The following CAPN2 variants were observed in gnomAD, a reference collection of about 807,000 sequenced individuals.
The protein encoded by CAPN2 is calpain 2.
A neutral mutation model predicts 102.3 loss-of-function variants in CAPN2; 92 were observed. The observed-to-expected ratio is 0.90, with a 90% confidence interval of 0.76 to 1.07. The LOEUF is 1.07. Ranked by LOEUF, CAPN2 falls within the 50% of genes least tolerant of loss-of-function variation. The pLI is 0.00. For synonymous variants in CAPN2, 340 were observed against 355.4 expected, an observed-to-expected ratio of 0.96 and a Z score of 0.49; for missense variants, 800 against 909.4, an observed-to-expected ratio of 0.88 and a Z score of 1.55.
chr1:223,749,219 G>C, intron 6 of CAPN2, 97 bp downstream of exon 6: 3 of 1,081,206 alleles, frequency 2.8e-6, no homozygotes, highest in Non-Finnish European at 4.2e-6. Context: ...GCGGCCCCAC[G>C]GTGGTCCAGT....
In CAPN2 at chr1:223,771,908, G is replaced by C. The variant is rs550161035; in HGVS notation, c.2003G>C (p.Arg668Pro). 1.2e-6 allele frequency: 2 copies of C among 1,611,642 alleles called. No homozygotes were observed. Among genetic ancestry groups the C allele is most frequent in the South Asian group, 1.1e-5 (1 of 91,018 alleles). Reference protein sequence around the residue: ...DFDNFVRCLVRLETLFKIFKQ... With the variant: ...DFDNFVRCLVPLETLFKIFKQ... ...GATAATTTTGTTCGGTGTTTGGTTC[G>C]GCTGGAAACGCTATTCAGTAAGTGG... The change falls in exon 19 of 21, where the codon CGG (arginine) becomes CCG (proline). Residue 668 changes from arginine (R) to proline (P), a missense_variant. By Grantham distance (103) the Arg-to-Pro change is moderately radical (BLOSUM62 -2). Coordinates refer to ENST00000295006, the MANE Select transcript of CAPN2 (RefSeq NM_001748.5).
rs1490509291 is a variant in CAPN2, at chr1:223,755,868, G to T, written c.1305+219G>T. Among the ~76,000 whole-genome samples, 1 of 152,184 alleles carries T rather than the reference G, an allele frequency of 6.6e-6. No homozygotes were observed. Among genetic ancestry groups the T allele is most frequent in the South Asian group, 2.1e-4 (1 of 4,826 alleles). On this transcript the variant is annotated intron_variant, in intron 10 of 20. Transcript: ENST00000295006. This position sits in a 1 kb window ranked among gnomAD's most constrained non-coding sequence, Gnocchi z 4.1. ...GTGGGGCCTTCTAAGCCCTTCACGGGCCCCCCACAGCCAGCCTGCAGGGAG... is the reference window on the plus strand; with the variant it reads ...GTGGGGCCTTCTAAGCCCTTCACGGTCCCCCCACAGCCAGCCTGCAGGGAG...
At chr1:223,757,465 GC>G in intron 11 of CAPN2, 85 bp downstream of exon 11, 4 of 1,465,506 alleles carry the variant, frequency 2.7e-6, no homozygotes, top group Non-Finnish European at 3.8e-6. Context: ...GCGTCGTGAA[GC>G]CCGGGCAGGG....
Position 223,759,017 on chromosome 1 carries a change from C to G in CAPN2, c.1318-253C>G. ...AAGTTTGCTTTTTATCTAAAATGAC[C>G]CAGGCATTGTCACTGTACTGCTATT... On this transcript the variant is annotated intron_variant, in intron 11 of 20. Coordinates refer to ENST00000295006, the MANE Select transcript of CAPN2 (RefSeq NM_001748.5). This position sits in a 1 kb window ranked among gnomAD's most constrained non-coding sequence, Gnocchi z 4.6. 2.0e-6 allele frequency: 1 copy of G among 510,006 alleles called. No individual in the cohort carries two copies. Among genetic ancestry groups the G allele is most frequent in the Non-Finnish European group, 3.6e-6 (1 of 281,124 alleles). 31.6% of individuals were successfully genotyped at this position (510,006 alleles called of 1,614,324 possible).
intron 11 of CAPN2, 153 bp downstream of exon 11, chr1:223,757,533 C>G (rs1041753373): frequency 2.5e-6 from 2 of 797,816 alleles, no homozygotes; most frequent in Non-Finnish European, 4.3e-6. Context: ...TGAAGTTGCC[C>G]AGGCTCTAGA....
In CAPN2 at chr1:223,748,953, C is replaced by T. The variant is rs28370065; in HGVS notation, c.730-86C>T. The T allele has an allele frequency of 2.1e-3, 2,773 of 1,300,438 alleles. 54 individuals are homozygous for T. In the African/African-American group the frequency reaches 0.036, roughly 17 times the overall value. 80.6% of individuals were successfully genotyped at this position (1,300,438 alleles called of 1,614,324 possible). A position where few individuals can be genotyped will look rare whatever the true frequency, so the allele number is the denominator to read the frequency against. ...GCTGCGCTAGTGCGTCCGGCGGTCC[C>T]GCCCGGCAGTAGGACAGAGGGAGCG... On this transcript the variant is annotated intron_variant, in intron 5 of 20. Transcript: ENST00000295006.
chr1:223,727,860 G>A lies in CAPN2; in HGVS notation c.307+10029G>A, dbSNP rs758075979. Among the ~76,000 whole-genome samples, 20 of 152,124 alleles carry A rather than the reference G, an allele frequency of 1.3e-4. No individual in the cohort carries two copies. Among genetic ancestry groups the A allele is most frequent in the South Asian group, 2.1e-4 (1 of 4,820 alleles). On this transcript the variant is annotated intron_variant, in intron 2 of 20. Coordinates refer to ENST00000295006, the MANE Select transcript of CAPN2 (RefSeq NM_001748.5). The surrounding 1 kb of genome is among the most constrained non-coding windows in gnomAD (Gnocchi z 4.1). The stretch of plus-strand genomic sequence containing the variant: ...AATGGTTCCACTGGCAGGCCATTCC[G>A]TCTGCTCAGCTTCCTAGCTCAGGTG...
rs749159455 is a variant in CAPN2 at position 223,755,483 on chromosome 1, C to T, written c.1139C>T (p.Thr380Ile). 1 of 1,613,836 alleles carries T rather than the reference C, an allele frequency of 6.2e-7. No individual in the cohort carries two copies. The highest frequency in any genetic ancestry group is 2.2e-5 in the East Asian group (1 of 44,890). The change falls in exon 10 of 21, where the codon ACA (threonine) becomes ATA (isoleucine). Residue 380 changes from threonine (T) to isoleucine (I), a missense_variant. Transcript: ENST00000295006. This position sits in a 1 kb window ranked among gnomAD's most constrained non-coding sequence, Gnocchi z 4.1. ...CTCTGCCCCTTTCTGGCTGCAGACA[C>T]ATTCTGGATGAACCCTCAGTACCTG... ...TAGGCRNYPN[T>I]FWMNPQYLIK...
At chr1:223,764,317 C>A in intron 15 of CAPN2, 110 bp downstream of exon 15, 1 of 826,706 alleles carries the variant, frequency 1.2e-6, no homozygotes, top group Non-Finnish European at 2.1e-6. Context: ...AAACCACCAC[C>A]CTCCATCCCC....
chr1:223,756,825 G>A lies in CAPN2; in HGVS notation c.1306-544G>A, dbSNP rs1385863290. Among the ~76,000 whole-genome samples, 2 of 152,228 alleles carry A rather than the reference G, an allele frequency of 1.3e-5. No homozygotes were observed. Among genetic ancestry groups the A allele is most frequent in the Non-Finnish European group, 2.9e-5 (2 of 68,044 alleles). Reference sequence around the variant, plus strand: ...AATGCAAATGGAATTGTGATACACAGCTTCCCTCCCACCGGCTTATGGGCT... The same window carrying A: ...AATGCAAATGGAATTGTGATACACAACTTCCCTCCCACCGGCTTATGGGCT... On this transcript the variant is annotated intron_variant, in intron 10 of 20. Transcript: ENST00000295006. This position sits in a 1 kb window ranked among gnomAD's most constrained non-coding sequence, Gnocchi z 4.1.
chr1:223,721,291 G>A (rs78040530), intron 2 of CAPN2, among the ~76,000 whole-genome samples: 16,223 of 152,168 alleles, frequency 0.11, 1,271 homozygotes, highest in East Asian at 0.21. Context: ...CTCTGAAATC[G>A]TGGGGTAATA....
intron 18 of CAPN2, chr1:223,771,483 A>T (rs28370168): frequency 0.019 from 4,675 of 247,956 alleles, 210 homozygotes; most frequent in African/African-American, 0.098. Flanking sequence ...GATCTTCAAG[A>T]CGATTGAGAG....
In CAPN2 at chr1:223,722,310, CAG is replaced by C. The variant is rs771890913; in HGVS notation, c.307+4480_307+4481del. On this transcript the variant is annotated intron_variant, in intron 2 of 20. Coordinates refer to ENST00000295006, the MANE Select transcript of CAPN2 (RefSeq NM_001748.5). ...TTTTTTTTTTTTTTTTTTTTTGAGA[CAG>C]GGTCTTGCTCTGTTGCCCAGACTAA... Among the ~76,000 whole-genome samples, 62 of 86,144 alleles carry C rather than the reference CAG, an allele frequency of 7.2e-4. 1 individual carries two copies. Among genetic ancestry groups the C allele is most frequent in the Middle Eastern group, 0.012 (1 of 84 alleles). 56.5% of individuals were successfully genotyped at this position (86,144 alleles called of 152,430 possible).
chr1:223,737,703 GGGGC>G lies in CAPN2; in HGVS notation c.308-6393_308-6390del, dbSNP rs1280504485. 2.8e-4 allele frequency among the ~76,000 whole-genome samples: 7 copies of G among 24,678 alleles called. 2 individuals carry two copies. The East Asian group carries it at 7.4e-3, about 26-fold the overall frequency. 16.2% of individuals were successfully genotyped at this position (24,678 alleles called of 152,430 possible). A position where few individuals can be genotyped will look rare whatever the true frequency, so the allele number is the denominator to read the frequency against. ...AATTTAAGGCCTGACCAAAAGAGAC[GGGGC>G]GGGGGGTGGGGGGGAGAGAATACAA... On this transcript the variant is annotated intron_variant, in intron 2 of 20. Transcript: ENST00000295006.
rs547469787 is a variant in CAPN2, at chr1:223,725,511, T to C, written c.307+7680T>C. Reference sequence around the variant, plus strand: ...AATCCATGCAGATTGCACGTTCTCTTTGGGGACAGTACAGCTGGAGGGGAG... The same window carrying C: ...AATCCATGCAGATTGCACGTTCTCTCTGGGGACAGTACAGCTGGAGGGGAG... On this transcript the variant is annotated intron_variant, in intron 2 of 20. Coordinates refer to ENST00000295006, the MANE Select transcript of CAPN2 (RefSeq NM_001748.5). This position sits in a 1 kb window ranked among gnomAD's most constrained non-coding sequence, Gnocchi z 4.1. Among the ~76,000 whole-genome samples, 1 of 152,306 alleles carries C rather than the reference T, an allele frequency of 6.6e-6. No individual in the cohort carries two copies. The highest frequency in any genetic ancestry group is 2.1e-4 in the South Asian group (1 of 4,830).
intron 16 of CAPN2, among the ~76,000 whole-genome samples, chr1:223,769,323 G>A (rs1661412632): frequency 6.6e-6 from 1 of 152,060 alleles, no homozygotes; most frequent in South Asian, 2.1e-4. Flanking sequence ...GTTTCACCGT[G>A]TTGGCCAGGC....
At chr1:223,724,468 C>A (rs562485322) in intron 2 of CAPN2, among the ~76,000 whole-genome samples, 1 of 152,330 alleles carries the variant, frequency 6.6e-6, no homozygotes, top group African/African-American at 2.4e-5. Flanking sequence ...CAGCACTAGC[C>A]CTGTGTGGCT....
At chr1:223,766,345 T>C (rs1661319369) in intron 15 of CAPN2, 22 bp from the exon 16 acceptor site, 4 of 1,599,458 alleles carry the variant, frequency 2.5e-6, no homozygotes, top group South Asian at 1.1e-5. Context: ...ATTTTTCCTG[T>C]CACACTGATT....
chr1:223,728,990 G>C (rs529859060), intron 2 of CAPN2, among the ~76,000 whole-genome samples: 1 of 152,166 alleles, frequency 6.6e-6, no homozygotes, highest in Admixed American at 6.5e-5. Context: ...CTCTATACAA[G>C]GTTCTTCCCT....
Sources: gnomAD v4.1 joint callset for allele counts (sites outside exome capture counted in the v4.1 genomes callset) on GRCh38, gnomAD v4.1.1 for gene constraint, Gnocchi (gnomAD v3.1) non-coding constraint, MANE v1.5 for transcripts, NCBI Gene and HGNC (gene_info 2026-07-23, HGNC 2026-07-21) for gene names.